TRPM3: variants seen among roughly 807,000 people sequenced by gnomAD.
TRPM3 encodes transient receptor potential cation channel subfamily M member 3.
A neutral mutation model predicts 181.2 loss-of-function variants in TRPM3; 77 were observed. The observed-to-expected ratio is 0.42, with a 90% CI of 0.35 to 0.51. TRPM3 has a LOEUF of 0.51. Among genes scored for constraint, TRPM3 ranks in the 20% least tolerant of loss-of-function variants. The pLI, the probability that TRPM3 is intolerant of heterozygous loss-of-function variation, is 0.01. For missense variants in TRPM3, 1,759 were observed against 2,196.7 expected (o/e 0.80, Z 3.98); for synonymous variants, 745 against 796.4 (o/e 0.94, Z 1.09).
chr9:70,851,758 G>A (rs886229501), intron 3 of TRPM3, among the ~76,000 whole-genome samples: 1 of 152,084 alleles, frequency 6.6e-6, no homozygotes, highest in Non-Finnish European at 1.5e-5. Flanking sequence ...GAGACAGTAG[G>A]TGAGGTCACA....
intron 1 of TRPM3, among the ~76,000 whole-genome samples, chr9:71,197,245 C>T (rs557345146): frequency 6.6e-6 from 1 of 152,266 alleles, no homozygotes; most frequent in African/African-American, 2.4e-5. Flanking sequence ...GTATATGAGC[C>T]ACATTTTCTT....
chr9:70,983,885 G>A (rs2097392766), intron 1 of TRPM3, among the ~76,000 whole-genome samples: 1 of 152,192 alleles, frequency 6.6e-6, no homozygotes, highest in Non-Finnish European at 1.5e-5. Flanking sequence ...AGAGACAGTA[G>A]TTTGACTTCC....
At chr9:71,245,262 G>A (rs1158631418) in intron 1 of TRPM3, among the ~76,000 whole-genome samples, 1 of 151,982 alleles carries the variant, frequency 6.6e-6, no homozygotes, top group Non-Finnish European at 1.5e-5. Context: ...CCCAAACATG[G>A]CGAAACCCCA....
chr9:71,327,593 A>C (rs939765931), intron 1 of TRPM3, among the ~76,000 whole-genome samples: 1 of 152,234 alleles, frequency 6.6e-6, no homozygotes, highest in African/African-American at 2.4e-5. Flanking sequence ...AACCTAAAAA[A>C]GTATACAGTG....
At chr9:70,600,065 G>C (rs2059615152) in intron 20 of TRPM3, among the ~76,000 whole-genome samples, 1 of 152,124 alleles carries the variant, frequency 6.6e-6, no homozygotes, top group Non-Finnish European at 1.5e-5. Context: ...TCCTTTGTGG[G>C]ACTCTTGCCT....
intron 1 of TRPM3, among the ~76,000 whole-genome samples, chr9:71,093,016 A>G (rs2066482046): frequency 6.6e-6 from 1 of 152,242 alleles, no homozygotes; most frequent in African/African-American, 2.4e-5. Context: ...TGGTGTTGGG[A>G]AAACTGGCTA....
At chr9:70,857,544 A>G (rs2095418225) in intron 3 of TRPM3, among the ~76,000 whole-genome samples, 1 of 152,158 alleles carries the variant, frequency 6.6e-6, no homozygotes, top group Non-Finnish European at 1.5e-5. Context: ...CTAGAAACAT[A>G]ATAATAATTA....
At position 71,154,044 on chromosome 9, in the gene TRPM3, C is replaced by T. The variant is rs142217923; in HGVS notation, c.184-289533G>A. Among the ~76,000 whole-genome samples the T allele has an allele frequency of 7.9e-4, 120 of 151,944 alleles. 1 individual carries two copies. The highest frequency in any genetic ancestry group is 2.6e-3 in the African/African-American group (108 of 41,440). ...CTGTACAGAACTGCAGTGGTATAGC[C>T]CAAACCTTAAATAAACAAATAACAA... is the stretch of plus-strand genomic sequence containing the variant. On this transcript the variant is annotated intron_variant, in intron 1 of 24. Transcript: ENST00000357533.
At chr9:71,024,955 C>T (rs1057125341) in intron 1 of TRPM3, among the ~76,000 whole-genome samples, 1 of 152,132 alleles carries the variant, frequency 6.6e-6, no homozygotes, top group Non-Finnish European at 1.5e-5. Context: ...CTTACCCATC[C>T]AGATACACAC....
chr9:70,903,132 G>T (rs1377846265), intron 1 of TRPM3, among the ~76,000 whole-genome samples: 3 of 152,202 alleles, frequency 2.0e-5, no homozygotes, highest in African/African-American at 7.2e-5. Flanking sequence ...AGATGACTCC[G>T]TGTTGGTTTG....
chr9:70,700,681 T>C (rs2072231546), intron 8 of TRPM3, among the ~76,000 whole-genome samples: 1 of 152,210 alleles, frequency 6.6e-6, no homozygotes, highest in African/African-American at 2.4e-5. Flanking sequence ...TGTGTGTGTA[T>C]ACCAGATGAA....
At chr9:70,957,375 A>G (rs746065749) in intron 1 of TRPM3, among the ~76,000 whole-genome samples, 73 of 152,270 alleles carry the variant, frequency 4.8e-4, no homozygotes, top group African/African-American at 1.7e-3. Context: ...CCCACTGAGC[A>G]CTTATGAAGC....
At chr9:71,421,901 C>T (rs1175795381) in intron 1 of TRPM3, among the ~76,000 whole-genome samples, 2 of 151,976 alleles carry the variant, frequency 1.3e-5, no homozygotes, top group Non-Finnish European at 2.9e-5. Context: ...CATCATTATA[C>T]ACACATGACT....
chr9:71,164,103 A>C (rs7028656), intron 1 of TRPM3, among the ~76,000 whole-genome samples: 1 of 151,972 alleles, frequency 6.6e-6, no homozygotes, highest in Non-Finnish European at 1.5e-5. Flanking sequence ...GGAGCTGTAC[A>C]ATTAAGAAGG....
chr9:71,372,723 A>G (rs2092555525), intron 1 of TRPM3, among the ~76,000 whole-genome samples: 1 of 152,232 alleles, frequency 6.6e-6, no homozygotes, highest in South Asian at 2.1e-4. Context: ...AACAATACTA[A>G]CCTTAAATGT....
In TRPM3 at chr9:71,446,517, A is replaced by G. The variant is rs372617913; in HGVS notation, c.183+136T>C. ...CCTTCCTCACAGCCCCCAGCACTCT[A>G]TTTCATTAGAAGCGGCGCCACAAGT... On this transcript the variant is annotated intron_variant, in intron 1 of 24. Coordinates refer to the TRPM3 transcript ENST00000357533. 2.1e-5 allele frequency: 19 copies of G among 894,208 alleles called. No individual in the cohort carries two copies. In the East Asian group the frequency reaches 2.5e-4, roughly 12 times the overall value. 55.4% of individuals were successfully genotyped at this position (894,208 alleles called of 1,614,324 possible).
chr9:70,966,533 C>A (rs914356896), intron 1 of TRPM3, among the ~76,000 whole-genome samples: 3 of 151,998 alleles, frequency 2.0e-5, no homozygotes, highest in African/African-American at 7.2e-5. Flanking sequence ...AAATGTGGTA[C>A]ATATACACCA....
intron 1 of TRPM3, among the ~76,000 whole-genome samples, chr9:71,082,665 G>A (rs1044410123): frequency 6.6e-6 from 1 of 152,070 alleles, no homozygotes; most frequent in Non-Finnish European, 1.5e-5. Flanking sequence ...TATCGTTAGT[G>A]GACTAAATTA....
chr9:71,246,634 C>T (rs2082050006), intron 1 of TRPM3, among the ~76,000 whole-genome samples: 1 of 152,202 alleles, frequency 6.6e-6, no homozygotes, highest in South Asian at 2.1e-4. Context: ...ACTCGTTTCA[C>T]AAAATTAACT....
Sources: gnomAD v4.1 joint callset for allele counts (sites outside exome capture counted in the v4.1 genomes callset) on GRCh38, gnomAD v4.1.1 for gene constraint, MANE v1.5 for transcripts, NCBI Gene and HGNC (gene_info 2026-07-23, HGNC 2026-07-21) for gene names.